ALKBH4: variants seen among roughly 807,000 people sequenced by gnomAD.
ALKBH4 encodes the protein alpha-ketoglutarate-dependent dioxygenase alkB homolog 4.
ALKBH4 carries 8 observed loss-of-function variants against 12.1 expected under a neutral mutation model. The observed-to-expected ratio is 0.66, with a 90% CI of 0.39 to 1.19. ALKBH4 has a LOEUF of 1.19. ALKBH4 is among the 50% of genes most tolerant of loss of function. The pLI, the probability that ALKBH4 is intolerant of heterozygous loss-of-function variation, is 0.01. For missense variants in ALKBH4, 403 were observed against 430.4 expected, an observed-to-expected ratio of 0.94 and a Z score of 0.56; for synonymous variants, 195 against 191.6, an observed-to-expected ratio of 1.02 and a Z score of -0.15.
At position 102,459,752 on chromosome 7, in the gene ALKBH4, G is replaced by C. The variant is rs890038006; in HGVS notation, c.173C>G (p.Thr58Arg). The C allele has an allele frequency of 6.2e-7, 1 of 1,613,414 alleles. No individual in the cohort carries two copies. ...CCAGCCCTCAAAGTCAGACTCCTCT[G>C]TGCCCACGGCCCAGCCGGTGTCGGA... The part of the protein sequence containing the change: ...YCSDTGWAVG[T>R]EESDFEGWAF... The change falls in exon 2 of 3, where the codon ACA (threonine) becomes AGA (arginine). Residue 58 changes from threonine to arginine, a missense_variant. Thr to Arg is a moderately conservative substitution (Grantham distance 71, BLOSUM62 -1). Transcript: ENST00000292566.
chr7:102,462,410 C>T (rs1473754972), intron 1 of ALKBH4, among the ~76,000 whole-genome samples: 1 of 152,114 alleles, frequency 6.6e-6, no homozygotes, highest in Non-Finnish European at 1.5e-5. Context: ...CGCTCTGTCA[C>T]TCAGGCTGGA....
rs372354272 is a variant in ALKBH4, at chr7:102,457,683, G to A, written c.620C>T (p.Pro207Leu). The A allele has an allele frequency of 7.7e-6, 12 of 1,557,198 alleles. No homozygotes were observed. Among genetic ancestry groups the A allele is most frequent in the Non-Finnish European group, 7.8e-6 (9 of 1,156,636 alleles). ...CACCAAGGCCTCCGGGGCAGCCGACGGGGCCGAGCAGAGGAGCAGGCTCCC... is the reference window on the plus strand; with the variant it reads ...CACCAAGGCCTCCGGGGCAGCCGACAGGGCCGAGCAGAGGAGCAGGCTCCC... ...APGSLLLCSA[P>L]SAAPEALVDS... The change falls in exon 3 of 3, where the codon CCG becomes CTG. Residue 207 changes from proline (P) to leucine (L), a missense_variant. Physicochemically the swap from Pro to Leu is moderately conservative, Grantham distance 98. Coordinates refer to ENST00000292566, the MANE Select transcript of ALKBH4 (RefSeq NM_017621.4). This position sits in a 1 kb window ranked among gnomAD's most constrained non-coding sequence, Gnocchi z 5.9.
rs2133255353 is a variant in ALKBH4, at chr7:102,462,431, G to A, written c.123+2283C>T. Among the ~76,000 whole-genome samples the A allele has an allele frequency of 3.3e-5, 5 of 152,058 alleles. No individual in the cohort carries two copies. The Middle Eastern group carries it at 0.017, about 517-fold the overall frequency. On this transcript the variant is annotated intron_variant, in intron 1 of 2. Transcript: ENST00000292566. ...GTCACTCAGGCTGGAGTGTAGTGGC[G>A]CTCACAGCTCACTGCAGCCTTGACC...
chr7:102,460,118 C>T (rs558893986), intron 1 of ALKBH4, among the ~76,000 whole-genome samples: 46 of 150,328 alleles, frequency 3.1e-4, no homozygotes, highest in Non-Finnish European at 5.9e-4. Context: ...GGCACCACTG[C>T]ACTCCAGCCT....
chr7:102,460,021 G>A (rs1797757901), intron 1 of ALKBH4, among the ~76,000 whole-genome samples: 1 of 152,096 alleles, frequency 6.6e-6, no homozygotes, highest in Non-Finnish European at 1.5e-5. Context: ...AGGCATGGTG[G>A]CAGGTGCCTG....
intron 1 of ALKBH4, among the ~76,000 whole-genome samples, chr7:102,462,908 A>G (rs1392654301): frequency 6.6e-6 from 1 of 150,834 alleles, no homozygotes; most frequent in Non-Finnish European, 1.5e-5. Context: ...TTAACTTAGC[A>G]TCGTGTCCCC....
At position 102,459,745 on chromosome 7, in the gene ALKBH4, C is replaced by T. The variant is rs766239795; in HGVS notation, c.180G>A (p.Glu60=). ...SDTGWAVGTE[E]SDFEGWAFPF... ...GGAAGGCCCAGCCCTCAAAGTCAGA[C>T]TCCTCTGTGCCCACGGCCCAGCCGG... Residue 60 remains glutamate (E), a synonymous_variant, in exon 2 of 3, where the codon GAG becomes GAA. Coordinates refer to ENST00000292566, the MANE Select transcript of ALKBH4 (RefSeq NM_017621.4). 2.5e-6 allele frequency: 4 copies of T among 1,613,566 alleles called. No individual in the cohort carries two copies. The highest frequency in any genetic ancestry group is 2.7e-5 in the African/African-American group (2 of 74,930).
intron 2 of ALKBH4, among the ~76,000 whole-genome samples, chr7:102,458,588 A>T (rs763750541): frequency 3.4e-5 from 5 of 148,148 alleles, no homozygotes; most frequent in African/African-American, 1.0e-4. Context: ...TAATAATAAT[A>T]ATTATCTGGG....
At position 102,456,772 on chromosome 7, in the gene ALKBH4, T is replaced by C. The variant is rs1046955174; in HGVS notation, c.*622A>G. The C allele has an allele frequency of 1.1e-4, 17 of 152,186 alleles. No individual in the cohort carries two copies. The highest frequency in any genetic ancestry group is 4.1e-4 in the African/African-American group (17 of 41,472). The allele number at this position is 152,186 out of a possible 1,614,324, so 9.4% of individuals were successfully genotyped here. On this transcript the variant is annotated 3_prime_UTR_variant, in exon 3 of 3. Transcript: ENST00000292566. The stretch of plus-strand genomic sequence containing the variant: ...CAAATGAAGGGACTGGACAGTGAGA[T>C]ATCGGGAAACCCCATGAAAATAGAT...
In ALKBH4 at chr7:102,464,856, G is replaced by T; in HGVS notation, c.-20C>A. On this transcript the variant is annotated 5_prime_UTR_variant, in exon 1 of 3. The change creates a new upstream start codon in the 5' untranslated region. Transcript: ENST00000292566. ...CGCCATCGCGCCGTCCGCGTGGCCA[G>T]TGCGCAGGCGCGGCCGTGGGGGCCG... The T allele has an allele frequency of 6.8e-7, 1 of 1,464,024 alleles. No homozygotes were observed. The highest frequency in any genetic ancestry group is 2.9e-5 in the East Asian group (1 of 34,190). The allele number at this position is 1,464,024 out of a possible 1,614,324, so 90.7% of individuals were successfully genotyped here. A position where few individuals can be genotyped will look rare whatever the true frequency, so the allele number is the denominator to read the frequency against.
intron 1 of ALKBH4, among the ~76,000 whole-genome samples, chr7:102,461,198 G>T (rs552279073): frequency 1.1e-4 from 16 of 151,952 alleles, no homozygotes; most frequent in Non-Finnish European, 2.2e-4. Flanking sequence ...CTAGCCGGGC[G>T]TCGTGGTGCA....
chr7:102,463,897 T>G (rs1486918062), intron 1 of ALKBH4, among the ~76,000 whole-genome samples: 1 of 152,248 alleles, frequency 6.6e-6, no homozygotes, highest in East Asian at 1.9e-4. Context: ...CCTTCATATC[T>G]GCCCGTTCCC....
chr7:102,464,062 C>T (rs894724891), intron 1 of ALKBH4, among the ~76,000 whole-genome samples: 1 of 150,882 alleles, frequency 6.6e-6, no homozygotes, highest in African/African-American at 2.4e-5. Flanking sequence ...ACCTCTCCAG[C>T]CTCATCTCTC....
In ALKBH4 at chr7:102,457,461, C is replaced by T. The variant is rs1797678736; in HGVS notation, c.842G>A (p.Gly281Glu). The T allele has an allele frequency of 9.3e-6, 15 of 1,613,514 alleles. No homozygotes were observed. Among genetic ancestry groups the T allele is most frequent in the Non-Finnish European group, 1.3e-5 (15 of 1,180,018 alleles). ...RELSAEFGPG[G>E]RQQELGQELL... ...TTCCTGGCCCAGCTCTTGCTGCCTC[C>T]CTCCAGGGCCAAACTCAGCCGACAG... The change falls in exon 3 of 3, where the codon GGG becomes GAG. Residue 281 changes from glycine to glutamate, a missense_variant. By Grantham distance (98) the Gly-to-Glu change is moderately conservative (BLOSUM62 -2). Transcript: ENST00000292566. The surrounding 1 kb of genome is among the most constrained non-coding windows in gnomAD (Gnocchi z 5.9).
chr7:102,457,955 C>T lies in ALKBH4; in HGVS notation c.348G>A (p.Arg116=), dbSNP rs1434332175. 6.2e-7 allele frequency: 1 copy of T among 1,610,034 alleles called. No individual in the cohort carries two copies. The highest frequency in any genetic ancestry group is 8.5e-7 in the Non-Finnish European group (1 of 1,177,724). Residue 116 remains arginine (R), a synonymous_variant, in exon 3 of 3, where the codon CGG becomes CGA. Coordinates refer to ENST00000292566, the MANE Select transcript of ALKBH4 (RefSeq NM_017621.4). The surrounding 1 kb of genome is among the most constrained non-coding windows in gnomAD (Gnocchi z 5.9). ...AGCCCTCGGTCTTTAGCTTCTGTTT[C>T]CGAAAGTTGACTTTGGGGCCATAGT... ...KQDYGPKVNF[R]KQKLKTEGFC...
intron 1 of ALKBH4, 47 bp downstream of exon 1, chr7:102,464,667 A>G: frequency 6.7e-7 from 1 of 1,483,520 alleles, no homozygotes; most frequent in Admixed American, 2.5e-5. Context: ...CAGTTTCCCC[A>G]GATGCAGAGC....
At chr7:102,459,309 G>T in intron 2 of ALKBH4, 3 of 321,536 alleles carry the variant, frequency 9.3e-6, no homozygotes, top group Non-Finnish European at 1.7e-5. Flanking sequence ...GGAGGTGGGG[G>T]CGCCTGCAGC....
In ALKBH4 at chr7:102,457,341, G is replaced by A; in HGVS notation, c.*53C>T. On this transcript the variant is annotated 3_prime_UTR_variant, in exon 3 of 3. Coordinates refer to ENST00000292566, the MANE Select transcript of ALKBH4 (RefSeq NM_017621.4). The surrounding 1 kb of genome is among the most constrained non-coding windows in gnomAD (Gnocchi z 5.9). ...CGTGAGTTGCAGGAGGCCCTGTTCT[G>A]TGCTCCTCATTTCAATCCCGGGATC... The A allele has an allele frequency of 1.3e-6, 2 of 1,551,126 alleles. No individual in the cohort carries two copies. Among genetic ancestry groups the A allele is most frequent in the Admixed American group, 3.5e-5 (2 of 57,856 alleles).
rs141300734 is a variant in ALKBH4 at position 102,457,399 on chromosome 7, C to T, written c.904G>A (p.Val302Met). 27 of 1,606,738 alleles carry T rather than the reference C, an allele frequency of 1.7e-5. No individual in the cohort carries two copies. The highest frequency in any genetic ancestry group is 8.0e-5 in the African/African-American group (6 of 74,828). The change falls in exon 3 of 3, where the codon GTG (valine) becomes ATG (methionine). Residue 302 changes from valine (V) to methionine (M), a missense_variant. By Grantham distance (21) the Val-to-Met change is conservative (BLOSUM62 1). Transcript: ENST00000292566. This position sits in a 1 kb window ranked among gnomAD's most constrained non-coding sequence, Gnocchi z 5.9. ...RIALSFQGRP[V>M] ...TCTGGAGCCAAGGAGGCGGTTCACACGGGTCTTCCCTGGAAGGAGAGGGCG... is the reference window on the plus strand; with the variant it reads ...TCTGGAGCCAAGGAGGCGGTTCACATGGGTCTTCCCTGGAAGGAGAGGGCG...
Sources: allele counts gnomAD v4.1 joint callset (sites outside exome capture counted in the v4.1 genomes callset), GRCh38; gene constraint gnomAD v4.1.1; non-coding constraint Gnocchi (gnomAD v3.1); transcripts MANE v1.5; gene names NCBI Gene and HGNC (gene_info 2026-07-23, HGNC 2026-07-21).